GPC4: variants seen among roughly 807,000 people sequenced by gnomAD.
GPC4 encodes glypican-4.
In GPC4, 10 loss-of-function variants were observed where a neutral mutation model predicts 35.0. The observed-to-expected ratio is 0.29, with a 90% CI of 0.18 to 0.48. The LOEUF (loss-of-function observed/expected upper bound fraction) is 0.48. Ranked by LOEUF, GPC4 falls within the 20% of genes least tolerant of loss-of-function variation. GPC4 has a pLI of 0.99. For synonymous variants in GPC4, 167 were observed against 170.2 expected (o/e 0.98, Z 0.15); for missense variants, 322 against 451.3 (o/e 0.71, Z 2.60).
chrX:133,414,543 A>G, intron 1 of GPC4: 1 of 752,746 alleles, frequency 1.3e-6, no homozygotes, highest in African/African-American at 2.3e-5. Flanking sequence ...CGGGGAGCGG[A>G]GCGCGACAGT....
At position 133,353,820 on chromosome X, in the gene GPC4, G is replaced by A. The variant is rs1448354705; in HGVS notation, c.161-14479C>T. 2.7e-5 allele frequency among the ~76,000 whole-genome samples: 3 copies of A among 111,410 alleles called. No individual in the cohort carries two copies. In the East Asian group the frequency reaches 8.5e-4, roughly 31 times the overall value. On this transcript the variant is annotated intron_variant, in intron 1 of 8. Transcript: ENST00000370828. ...AGTGGGAGAGTCACCTACAACTGAT[G>A]CAAGTGGTGATCAGGCACCAGGGTC... is the stretch of plus-strand genomic sequence containing the variant.
At chrX:133,386,499 AC>A (rs886852946) in intron 1 of GPC4, among the ~76,000 whole-genome samples, 2 of 111,298 alleles carry the variant, frequency 1.8e-5, no homozygotes, top group Non-Finnish European at 3.8e-5. Context: ...GACCCTGATG[AC>A]CCTGTATTAT....
chrX:133,379,460 T>C (rs1233619876), intron 1 of GPC4, among the ~76,000 whole-genome samples: 4 of 112,090 alleles, frequency 3.6e-5, no homozygotes, highest in Non-Finnish European at 7.5e-5. Flanking sequence ...AATTTTACTT[T>C]TGAAGTCACG....
intron 1 of GPC4, among the ~76,000 whole-genome samples, chrX:133,396,721 G>C (rs1467995612): frequency 1.8e-5 from 2 of 111,790 alleles, no homozygotes; most frequent in Non-Finnish European, 3.8e-5. Flanking sequence ...AGGGAATATG[G>C]GCTGAATTAT....
intron 1 of GPC4, among the ~76,000 whole-genome samples, chrX:133,393,301 A>G (rs1456526864): frequency 9.0e-6 from 1 of 111,380 alleles, no homozygotes; most frequent in African/African-American, 3.3e-5. Flanking sequence ...AATCAAAAGG[A>G]CAGAAGAACC....
intron 1 of GPC4, among the ~76,000 whole-genome samples, chrX:133,377,430 C>T: frequency 1.8e-5 from 2 of 112,142 alleles, no homozygotes; most frequent in Middle Eastern, 9.3e-3. Flanking sequence ...ATTACATTGT[C>T]CTATAGTGCT....
intron 1 of GPC4, among the ~76,000 whole-genome samples, chrX:133,397,556 CAA>C (rs111513469): frequency 2.1e-5 from 2 of 95,685 alleles, no homozygotes. Flanking sequence ...GACCTTGTCT[CAA>C]AAAAAAAAAA....
At chrX:133,394,450 T>G (rs2068733604) in intron 1 of GPC4, among the ~76,000 whole-genome samples, 1 of 110,515 alleles carries the variant, frequency 9.0e-6, no homozygotes, top group Admixed American at 9.8e-5. Flanking sequence ...CAACTCTCAG[T>G]GCCAGGTACA....
intron 1 of GPC4, 73 bp from the exon 2 acceptor site, chrX:133,339,414 G>C: frequency 9.9e-7 from 1 of 1,005,713 alleles, no homozygotes; most frequent in South Asian, 2.4e-5. Flanking sequence ...GTTTGATTTA[G>C]GTTCATTTCA....
intron 1 of GPC4, among the ~76,000 whole-genome samples, chrX:133,345,899 G>A: frequency 8.9e-6 from 1 of 112,189 alleles, no homozygotes; most frequent in Middle Eastern, 4.6e-3. Flanking sequence ...AGCAAGGAAA[G>A]AATGAAACAA....
At chrX:133,363,404 T>C (rs1487480594) in intron 1 of GPC4, among the ~76,000 whole-genome samples, 1 of 110,954 alleles carries the variant, frequency 9.0e-6, no homozygotes, top group Non-Finnish European at 1.9e-5. Context: ...TCTCAATCAT[T>C]TAATTATGAA....
chrX:133,324,111 C>G, intron 3 of GPC4, 34 bp downstream of exon 3: 2 of 1,144,883 alleles, frequency 1.7e-6, no homozygotes, highest in South Asian at 4.2e-5. Flanking sequence ...GAAAACAAAA[C>G]AAAAACAAAA....
chrX:133,312,808 A>G (rs1464870417), intron 3 of GPC4, among the ~76,000 whole-genome samples: 1 of 111,519 alleles, frequency 9.0e-6, no homozygotes, highest in African/African-American at 3.3e-5. Flanking sequence ...TACCCAAGTC[A>G]GATTGGGCTG....
chrX:133,345,125 T>C (rs1046174405), intron 1 of GPC4, among the ~76,000 whole-genome samples: 4 of 112,163 alleles, frequency 3.6e-5, no homozygotes, highest in African/African-American at 1.3e-4. Context: ...TCTTTTATTC[T>C]GCAGAGATAA....
At chrX:133,303,954 G>GAAGGAAGGAAGGAAGCAAGC (rs1315046942) in intron 7 of GPC4, among the ~76,000 whole-genome samples, 1 of 108,162 alleles carries the variant, frequency 9.2e-6, no homozygotes, top group African/African-American at 3.4e-5. Flanking sequence ...AGGAAGGAAG[G>GAAGGAAGGAAGGAAGCAAGC]AAGCTAGCTA....
intron 1 of GPC4, among the ~76,000 whole-genome samples, chrX:133,395,629 T>TA (rs1010835016): frequency 5.4e-5 from 6 of 111,371 alleles, no homozygotes; most frequent in African/African-American, 1.6e-4. Flanking sequence ...ATCTCAAAAA[T>TA]AAAAAAATGA....
At chrX:133,307,283 T>C (rs1168266770) in intron 4 of GPC4, among the ~76,000 whole-genome samples, 3 of 111,908 alleles carry the variant, frequency 2.7e-5, no homozygotes, top group Admixed American at 9.5e-5. Context: ...GCTGAGCTTC[T>C]ATCTAAGCTT....
chrX:133,391,998 C>G (rs1273039761), intron 1 of GPC4, among the ~76,000 whole-genome samples: 1 of 110,778 alleles, frequency 9.0e-6, no homozygotes, highest in Admixed American at 9.7e-5. Context: ...TTTGGGAGGC[C>G]AAGGCTGGTG....
intron 1 of GPC4, among the ~76,000 whole-genome samples, chrX:133,376,069 G>A (rs113750855): frequency 3.6e-5 from 4 of 111,897 alleles, no homozygotes; most frequent in African/African-American, 1.3e-4. Flanking sequence ...CCTAATCCTC[G>A]GCAGCCACTG....
Sources: allele counts gnomAD v4.1 joint callset (sites outside exome capture counted in the v4.1 genomes callset), GRCh38; gene constraint gnomAD v4.1.1; transcripts MANE v1.5; gene names NCBI Gene and HGNC (gene_info 2026-07-23, HGNC 2026-07-21).